The following ARHGAP18 variants were observed in gnomAD, a reference collection of about 807,000 sequenced individuals.
ARHGAP18 encodes the protein rho GTPase-activating protein 18.
A neutral mutation model predicts 86.2 loss-of-function variants in ARHGAP18; 67 were observed. The observed-to-expected ratio is 0.78, with a 90% CI of 0.64 to 0.95. The LOEUF (loss-of-function observed/expected upper bound fraction) is 0.95, where lower values mean the gene tolerates loss of function less well. Ranked by LOEUF, ARHGAP18 falls within the 40% of genes least tolerant of loss-of-function variation. The pLI is 0.00. For missense variants in ARHGAP18, 691 were observed against 780.4 expected, an observed-to-expected ratio of 0.89 and a Z score of 1.37; for synonymous variants, 283 against 280.4, an observed-to-expected ratio of 1.01 and a Z score of -0.09.
In ARHGAP18 at chr6:129,633,095, G is replaced by A. The variant is rs533952932; in HGVS notation, c.616+947C>T. Among the ~76,000 whole-genome samples, 5 of 152,140 alleles carry A rather than the reference G, an allele frequency of 3.3e-5. No homozygotes were observed. The South Asian group carries it at 1.0e-3, about 32-fold the overall frequency. ...TCCCTTTCTGTAAACAAATGAAATA[G>A]CTATAAATTCTCTCTTAGTAAGTAC... On this transcript the variant is annotated intron_variant, in intron 4 of 14. Transcript: ENST00000368149.
chr6:129,691,923 C>T (rs1358459454), intron 1 of ARHGAP18, among the ~76,000 whole-genome samples: 3 of 152,220 alleles, frequency 2.0e-5, no homozygotes, highest in Non-Finnish European at 4.4e-5. Flanking sequence ...GCTGTTCTTG[C>T]AAGCCACCTC....
At chr6:129,592,682 T>A (rs972691045) in intron 12 of ARHGAP18, among the ~76,000 whole-genome samples, 1 of 152,146 alleles carries the variant, frequency 6.6e-6, no homozygotes, top group Non-Finnish European at 1.5e-5. Flanking sequence ...CTCTCATAAA[T>A]GAACAGCCTC....
intron 1 of ARHGAP18, among the ~76,000 whole-genome samples, chr6:129,655,299 A>C (rs1200147534): frequency 7.2e-6 from 1 of 138,734 alleles, no homozygotes; most frequent in Non-Finnish European, 1.5e-5. Flanking sequence ...AGCCTGGGTG[A>C]CAAGAGCAAA....
chr6:129,614,586 T>C (rs1440110342), intron 7 of ARHGAP18, among the ~76,000 whole-genome samples: 1 of 152,094 alleles, frequency 6.6e-6, no homozygotes, highest in Admixed American at 6.5e-5. Context: ...CTTAATAGAC[T>C]GGATGCAATC....
chr6:129,594,572 T>C (rs1053482706), intron 12 of ARHGAP18, among the ~76,000 whole-genome samples: 6 of 152,194 alleles, frequency 3.9e-5, no homozygotes, highest in African/African-American at 1.4e-4. Context: ...CCTCCAATGC[T>C]GGATGCTCCT....
intron 5 of ARHGAP18, among the ~76,000 whole-genome samples, chr6:129,624,990 T>TATATATTG (rs1789315290): frequency 1.3e-5 from 1 of 75,104 alleles, no homozygotes; most frequent in Non-Finnish European, 2.9e-5. Context: ...TAATATATAT[T>TATATATTG]ATATATGATA....
intron 1 of ARHGAP18, among the ~76,000 whole-genome samples, chr6:129,648,271 A>C (rs1035437955): frequency 6.6e-6 from 1 of 151,794 alleles, no homozygotes; most frequent in Admixed American, 6.6e-5. Context: ...CCTGGGCTCA[A>C]GCGATCCTCC....
intron 1 of ARHGAP18, among the ~76,000 whole-genome samples, chr6:129,689,711 T>G (rs1211561037): frequency 6.6e-6 from 1 of 152,242 alleles, no homozygotes; most frequent in East Asian, 1.9e-4. Flanking sequence ...AAATGCCCTT[T>G]CAGCATAATT....
chr6:129,662,333 C>G (rs561747861), intron 1 of ARHGAP18, among the ~76,000 whole-genome samples: 1 of 152,232 alleles, frequency 6.6e-6, no homozygotes, highest in Non-Finnish European at 1.5e-5. Context: ...GGGCATGGTG[C>G]CTGCTTCTCA....
intron 1 of ARHGAP18, among the ~76,000 whole-genome samples, chr6:129,681,429 C>T (rs1231627775): frequency 6.6e-6 from 1 of 152,168 alleles, no homozygotes; most frequent in East Asian, 1.9e-4. Context: ...AAAAAGAAAA[C>T]ATCCTGAGGT....
intron 1 of ARHGAP18, among the ~76,000 whole-genome samples, chr6:129,643,863 G>A (rs950644643): frequency 6.6e-5 from 10 of 152,172 alleles, no homozygotes; most frequent in Admixed American, 1.3e-4. Context: ...AACTCTGGGC[G>A]AATCTATCCA....
At chr6:129,709,644 C>G (rs1197167185) in intron 1 of ARHGAP18, among the ~76,000 whole-genome samples, 1 of 152,232 alleles carries the variant, frequency 6.6e-6, no homozygotes, top group African/African-American at 2.4e-5. Flanking sequence ...GCAGACTTTC[C>G]CAGCGAACAG....
chr6:129,619,645 G>A (rs1789185847), intron 5 of ARHGAP18, among the ~76,000 whole-genome samples: 1 of 143,262 alleles, frequency 7.0e-6, no homozygotes, highest in Non-Finnish European at 1.5e-5. Flanking sequence ...GATGGGGGAG[G>A]GGGAGGGGGA....
Position 129,576,266 on chromosome 6 carries a change from G to C in ARHGAP18, c.*2247C>G, listed in dbSNP as rs1788172878. On this transcript the variant is annotated 3_prime_UTR_variant, in exon 15 of 15. Coordinates refer to ENST00000368149, the MANE Select transcript of ARHGAP18 (RefSeq NM_033515.3). The stretch of plus-strand genomic sequence containing the variant: ...AGCAAAAGCAGTAGGTTAACATCAG[G>C]ATATTTATATTCAAGGCTCTATGGT... 6.6e-6 allele frequency: 1 copy of C among 152,108 alleles called. No individual in the cohort carries two copies. Among genetic ancestry groups the C allele is most frequent in the Non-Finnish European group, 1.5e-5 (1 of 68,020 alleles). 9.4% of individuals were successfully genotyped at this position (152,108 alleles called of 1,614,324 possible). A position where few individuals can be genotyped will look rare whatever the true frequency, so the allele number is the denominator to read the frequency against.
At chr6:129,604,034 T>C (rs1008779384) in intron 10 of ARHGAP18, among the ~76,000 whole-genome samples, 5 of 152,226 alleles carry the variant, frequency 3.3e-5, no homozygotes, top group East Asian at 1.9e-4. Flanking sequence ...TTTACAGAAC[T>C]AAATTTATGG....
At chr6:129,656,357 C>T (rs576390656) in intron 1 of ARHGAP18, among the ~76,000 whole-genome samples, 23 of 152,186 alleles carry the variant, frequency 1.5e-4, no homozygotes, top group African/African-American at 5.5e-4. Flanking sequence ...GTCAGTAGCA[C>T]AGTAGGCCAG....
At chr6:129,606,946 C>G (rs1421717936) in intron 9 of ARHGAP18, among the ~76,000 whole-genome samples, 1 of 151,910 alleles carries the variant, frequency 6.6e-6, no homozygotes, top group Admixed American at 6.6e-5. Context: ...CTGCAACCTC[C>G]ACCTCTCAGG....
intron 1 of ARHGAP18, among the ~76,000 whole-genome samples, chr6:129,693,428 T>C (rs1036573773): frequency 1.1e-4 from 17 of 152,156 alleles, no homozygotes; most frequent in Non-Finnish European, 1.5e-5. Context: ...GAGTTTCCAG[T>C]TTTCAAATGA....
intron 2 of ARHGAP18, among the ~76,000 whole-genome samples, chr6:129,640,042 C>CAAAAAAAAAAAAA (rs374771260): frequency 1.4e-5 from 1 of 72,860 alleles, no homozygotes; most frequent in Non-Finnish European, 2.5e-5. Context: ...GAGACTGTCT[C>CAAAAAAAAAAAAA]AAAAAAAAAA....
Sources: allele counts gnomAD v4.1 joint callset (sites outside exome capture counted in the v4.1 genomes callset), GRCh38; gene constraint gnomAD v4.1.1; transcripts MANE v1.5; gene names NCBI Gene and HGNC (gene_info 2026-07-23, HGNC 2026-07-21).